Variants in PCDHA6 observed in about 807,000 individuals in gnomAD.
PCDHA6 encodes the protein protocadherin alpha 6.
In PCDHA6, 55 loss-of-function variants were observed where a neutral mutation model predicts 60.3. The observed-to-expected ratio is 0.91, with a 90% CI of 0.73 to 1.14. The LOEUF (loss-of-function observed/expected upper bound fraction) is 1.14, where lower values mean the gene tolerates loss of function less well. PCDHA6 is among the 50% of genes most tolerant of loss of function. The pLI, the probability that PCDHA6 is intolerant of heterozygous loss-of-function variation, is 0.00. For synonymous variants in PCDHA6, 652 were observed against 557.9 expected (o/e 1.17, Z -2.38); for missense variants, 1,327 against 1,256.5 (o/e 1.06, Z -0.85).
intron 1 of PCDHA6, among the ~76,000 whole-genome samples, chr5:140,939,509 C>T (rs1013863525): frequency 9.3e-5 from 14 of 150,592 alleles, no homozygotes; most frequent in Non-Finnish European, 1.8e-4. Flanking sequence ...ATGTCTATAA[C>T]ATTAATAGTT....
intron 1 of PCDHA6, among the ~76,000 whole-genome samples, chr5:140,917,358 C>T (rs2153543502): frequency 6.7e-6 from 1 of 149,798 alleles, no homozygotes; most frequent in East Asian, 1.9e-4. Flanking sequence ...GCTTCTGTTC[C>T]ACTATCTTGC....
intron 3 of PCDHA6, among the ~76,000 whole-genome samples, chr5:140,985,957 T>A (rs2097180705): frequency 6.6e-6 from 1 of 152,084 alleles, no homozygotes. Context: ...GCCAGGATGG[T>A]CTCAATCTCC....
intron 1 of PCDHA6, among the ~76,000 whole-genome samples, chr5:140,937,848 C>G (rs939450579): frequency 1.4e-5 from 2 of 145,938 alleles, no homozygotes; most frequent in African/African-American, 2.5e-5. Flanking sequence ...GAAGGCGGAA[C>G]TTGGAGTGAG....
At chr5:141,005,572 C>G (rs548748234) in intron 3 of PCDHA6, among the ~76,000 whole-genome samples, 59 of 150,976 alleles carry the variant, frequency 3.9e-4, no homozygotes, top group Non-Finnish European at 7.7e-4. Context: ...CATGGTGGCG[C>G]GTGCCTGTAG....
At chr5:140,962,565 C>G (rs2095693012) in intron 1 of PCDHA6, among the ~76,000 whole-genome samples, 1 of 152,130 alleles carries the variant, frequency 6.6e-6, no homozygotes, top group African/African-American at 2.4e-5. Flanking sequence ...CCCCTAAAAG[C>G]CAATTGTTAA....
At position 141,001,385 on chromosome 5, in the gene PCDHA6, T is replaced by A. The variant is rs540420313; in HGVS notation, c.2543-8242T>A. 3.9e-5 allele frequency among the ~76,000 whole-genome samples: 6 copies of A among 152,316 alleles called. No homozygotes were observed. The East Asian group carries it at 1.2e-3, about 29-fold the overall frequency. ...ACTATTCTGATTACAGAGCCTAAGA[T>A]CCTACAGAGAACAGGGAGTATATTT... On this transcript the variant is annotated intron_variant, in intron 3 of 3. Transcript: ENST00000529310.
chr5:140,935,341 G>A (rs1318000398), intron 1 of PCDHA6, among the ~76,000 whole-genome samples: 5 of 152,046 alleles, frequency 3.3e-5, no homozygotes, highest in Non-Finnish European at 5.9e-5. Context: ...TCTCCCATAC[G>A]TCAAATCCCA....
chr5:140,884,804 T>A (rs1223470171), intron 1 of PCDHA6: 1 of 1,210,196 alleles, frequency 8.3e-7, no homozygotes, highest in Non-Finnish European at 1.1e-6. Flanking sequence ...ATTTAACAAC[T>A]CTGCTGTGGA....
chr5:140,878,474 C>A (rs1227598146), intron 1 of PCDHA6, among the ~76,000 whole-genome samples: 1 of 152,134 alleles, frequency 6.6e-6, no homozygotes, highest in Non-Finnish European at 1.5e-5. Flanking sequence ...AATCATTTCT[C>A]AATTTAAAAA....
chr5:140,832,197 C>T (rs1212075331), intron 1 of PCDHA6, among the ~76,000 whole-genome samples: 4 of 152,210 alleles, frequency 2.6e-5, no homozygotes, highest in Non-Finnish European at 5.9e-5. Context: ...ATTTAACCTG[C>T]TGAGTCCTCA....
rs782508103 is a variant in PCDHA6, at chr5:140,856,192, G to T, written c.2394+25707G>T. ...ACGGCACCTTCGTGGGCCGCATCGCGCAGGACCTGGGGCTGGAGCTGGCGG... is the reference window on the plus strand; with the variant it reads ...ACGGCACCTTCGTGGGCCGCATCGCTCAGGACCTGGGGCTGGAGCTGGCGG... On this transcript the variant is annotated intron_variant, in intron 1 of 3. Coordinates refer to ENST00000529310, the MANE Select transcript of PCDHA6 (RefSeq NM_018909.4). The T allele has an allele frequency of 3.7e-5, 59 of 1,598,180 alleles. 4 individuals carry two copies. Among genetic ancestry groups the T allele is most frequent in the South Asian group, 2.8e-4 (25 of 90,510 alleles).
chr5:140,909,690 G>T (rs2074638063), intron 1 of PCDHA6, among the ~76,000 whole-genome samples: 1 of 152,280 alleles, frequency 6.6e-6, no homozygotes, highest in African/African-American at 2.4e-5. Context: ...CAATGTGGGG[G>T]TTCTGCTAGC....
intron 1 of PCDHA6, chr5:140,841,532 C>T (rs2150317529): frequency 3.7e-6 from 6 of 1,613,694 alleles, no homozygotes; most frequent in Non-Finnish European, 5.1e-6. Context: ...GTCCAAAAGA[C>T]ACCGGGACCT....
intron 2 of PCDHA6, among the ~76,000 whole-genome samples, chr5:140,979,425 A>G (rs1009935948): frequency 2.0e-5 from 3 of 151,814 alleles, no homozygotes; most frequent in African/African-American, 7.3e-5. Context: ...TTTTAATCTC[A>G]CATTGGCTAT....
At position 141,010,922 on chromosome 5, in the gene PCDHA6, A is replaced by G. The variant is rs1263879494; in HGVS notation, c.*985A>G. The G allele has an allele frequency of 5.2e-5, 8 of 153,814 alleles. No homozygotes were observed. Among genetic ancestry groups the G allele is most frequent in the African/African-American group, 1.9e-4 (8 of 41,474 alleles). The allele number at this position is 153,814 out of a possible 1,614,324, so 9.5% of individuals were successfully genotyped here. A position where few individuals can be genotyped will look rare whatever the true frequency, so the allele number is the denominator to read the frequency against. ...TTCCCCTAAACTCTCCTCAAAAGAG[A>G]ATTCAGTCTACAGCCATTTAAATGA... On this transcript the variant is annotated 3_prime_UTR_variant, in exon 4 of 4. Transcript: ENST00000529310.
chr5:140,833,186 T>C (rs1772344367), intron 1 of PCDHA6, among the ~76,000 whole-genome samples: 1 of 152,064 alleles, frequency 6.6e-6, no homozygotes, highest in Admixed American at 6.6e-5. Flanking sequence ...ACTGCAAGGA[T>C]TAAATGAAGG....
rs141570762 is a variant in PCDHA6 at position 140,830,083 on chromosome 5, G to C, written c.1992G>C (p.Thr664=). ...HGEPALTATA[T]VLVSLVESGQ... ...AGCCGGCGCTGACAGCGACGGCCAC[G>C]GTTCTGGTGTCGCTGGTGGAGAGTG... is the stretch of plus-strand genomic sequence containing the variant. Residue 664 remains threonine, a synonymous_variant, in exon 1 of 4, where the codon ACG becomes ACC. Transcript: ENST00000529310. 690 of 1,613,696 alleles carry C rather than the reference G, an allele frequency of 4.3e-4. 3 individuals are homozygous for C. In the African/African-American group the frequency reaches 8.5e-3, roughly 20 times the overall value.
At chr5:140,841,726 A>G (rs1777447763) in intron 1 of PCDHA6, 1 of 1,613,794 alleles carries the variant, frequency 6.2e-7, no homozygotes, top group African/African-American at 1.3e-5. Flanking sequence ...TGTTCCGGGT[A>G]AAAGACCAAA....
intron 1 of PCDHA6, among the ~76,000 whole-genome samples, chr5:140,961,185 G>T (rs2095595656): frequency 6.6e-6 from 1 of 152,100 alleles, no homozygotes; most frequent in Non-Finnish European, 1.5e-5. Context: ...ACTCCTCACA[G>T]GACCCTAGTG....
Sources: gnomAD v4.1 joint callset for allele counts (sites outside exome capture counted in the v4.1 genomes callset) on GRCh38, gnomAD v4.1.1 for gene constraint, MANE v1.5 for transcripts, NCBI Gene and HGNC (gene_info 2026-07-23, HGNC 2026-07-21) for gene names.